The following CTNND2 variants were observed in gnomAD, a reference collection of about 807,000 sequenced individuals.
CTNND2 encodes catenin delta-2.
In CTNND2, 22 loss-of-function variants were observed where a neutral mutation model predicts 144.4. The observed-to-expected ratio is 0.15, with a 90% CI of 0.11 to 0.22. The LOEUF is 0.22. CTNND2 is among the 10% of genes least tolerant of loss of function. CTNND2 has a pLI of 1.00. For missense variants in CTNND2, 1,353 were observed against 1,618.8 expected (o/e 0.84, Z 2.82); for synonymous variants, 751 against 695.6 (o/e 1.08, Z -1.25).
intron 1 of CTNND2, among the ~76,000 whole-genome samples, chr5:11,829,034 G>T (rs534570059): frequency 4.4e-4 from 67 of 152,240 alleles, no homozygotes; most frequent in African/African-American, 1.6e-3. Flanking sequence ...TTTTGTCCCT[G>T]CCCTAGAGAT....
chr5:11,807,738 G>A (rs973811657), intron 1 of CTNND2, among the ~76,000 whole-genome samples: 2 of 152,102 alleles, frequency 1.3e-5, no homozygotes, highest in African/African-American at 2.4e-5. Context: ...TAAGACGCAC[G>A]GACAGAGGCA....
chr5:11,090,662 C>T (rs768103616), intron 15 of CTNND2, among the ~76,000 whole-genome samples: 7 of 152,126 alleles, frequency 4.6e-5, no homozygotes, highest in Admixed American at 2.0e-4. Context: ...ATTGGATCCA[C>T]GGAAAAATTG....
At chr5:11,256,612 A>G (rs745379145) in intron 9 of CTNND2, among the ~76,000 whole-genome samples, 14 of 152,338 alleles carry the variant, frequency 9.2e-5, no homozygotes, top group Non-Finnish European at 1.8e-4. Context: ...GAAAGAGTAT[A>G]TATGCAATAT....
chr5:11,182,048 G>GT (rs1735097617), intron 11 of CTNND2, among the ~76,000 whole-genome samples: 2 of 135,972 alleles, frequency 1.5e-5, no homozygotes, highest in African/African-American at 2.7e-5. Context: ...GTGTGTGTGG[G>GT]GTGTGTGTGG....
intron 2 of CTNND2, among the ~76,000 whole-genome samples, chr5:11,728,377 G>A (rs1234800534): frequency 6.6e-6 from 1 of 152,076 alleles, no homozygotes; most frequent in East Asian, 1.9e-4. Flanking sequence ...GCTGGGGCAG[G>A]AGAATCACTT....
At chr5:11,331,340 A>G (rs1435477686) in intron 9 of CTNND2, among the ~76,000 whole-genome samples, 1 of 152,156 alleles carries the variant, frequency 6.6e-6, no homozygotes, top group African/African-American at 2.4e-5. Context: ...CCTCAGTATG[A>G]GGGGAAATTA....
intron 3 of CTNND2, among the ~76,000 whole-genome samples, chr5:11,471,043 T>A (rs1020910324): frequency 6.8e-6 from 1 of 147,560 alleles, no homozygotes; most frequent in Non-Finnish European, 1.5e-5. Context: ...AGTGGCGCGA[T>A]CTCTGCTCAC....
intron 9 of CTNND2, among the ~76,000 whole-genome samples, chr5:11,311,013 C>CACACAATACACAAT (rs1290908548): frequency 3.9e-5 from 5 of 129,138 alleles, no homozygotes; most frequent in Non-Finnish European, 8.1e-5. Context: ...TCACCCCACA[C>CACACAATACACAAT]ACACAATACA....
At chr5:11,367,679 T>C (rs1460167728) in intron 7 of CTNND2, among the ~76,000 whole-genome samples, 1 of 152,218 alleles carries the variant, frequency 6.6e-6, no homozygotes, top group African/African-American at 2.4e-5. Context: ...TTGTCTAAAA[T>C]GTTATAGATG....
At chr5:11,359,272 CTT>C (rs1024844369) in intron 8 of CTNND2, among the ~76,000 whole-genome samples, 3 of 152,128 alleles carry the variant, frequency 2.0e-5, no homozygotes, top group African/African-American at 7.2e-5. Flanking sequence ...AATTGTATCT[CTT>C]TACATTTTCA....
intron 9 of CTNND2, among the ~76,000 whole-genome samples, chr5:11,263,860 A>G (rs1745168211): frequency 6.6e-6 from 1 of 152,180 alleles, no homozygotes. Flanking sequence ...GGAACTGCCA[A>G]TAACTAGACA....
chr5:11,541,286 C>G (rs746105992), intron 3 of CTNND2, among the ~76,000 whole-genome samples: 2 of 152,136 alleles, frequency 1.3e-5, no homozygotes, highest in African/African-American at 2.4e-5. Flanking sequence ...TTTCAGGAAC[C>G]ACTGGTGCAA....
At chr5:11,351,736 G>A (rs1017794739) in intron 8 of CTNND2, among the ~76,000 whole-genome samples, 4 of 152,098 alleles carry the variant, frequency 2.6e-5, no homozygotes, top group Admixed American at 6.5e-5. Context: ...AAGAAAAAAA[G>A]CACTACTTTT....
intron 16 of CTNND2, among the ~76,000 whole-genome samples, chr5:11,025,199 G>T (rs181291531): frequency 5.1e-4 from 77 of 152,308 alleles, no homozygotes; most frequent in African/African-American, 1.7e-3. Context: ...TCCAAGTAAA[G>T]AAACAAATCA....
At chr5:11,471,836 G>T (rs1231608379) in intron 3 of CTNND2, among the ~76,000 whole-genome samples, 2 of 152,146 alleles carry the variant, frequency 1.3e-5, no homozygotes, top group Non-Finnish European at 2.9e-5. Context: ...GTTTAATATG[G>T]CATTAATTCC....
At chr5:11,524,440 C>T (rs1773031679) in intron 3 of CTNND2, among the ~76,000 whole-genome samples, 1 of 152,140 alleles carries the variant, frequency 6.6e-6, no homozygotes, top group Non-Finnish European at 1.5e-5. Flanking sequence ...TTTTATTGTT[C>T]TTTTGTGTCT....
In CTNND2 at chr5:11,007,014, G is replaced by A. The variant is rs142288369; in HGVS notation, c.3084+10960C>T. ...AACCCAATAAAAGTAAGCACAAAGT[G>A]AAACAATCAAGAAAAAATTGCTAAA... On this transcript the variant is annotated intron_variant, in intron 18 of 21. Coordinates refer to ENST00000304623, the MANE Select transcript of CTNND2 (RefSeq NM_001332.4). 5.3e-5 allele frequency among the ~76,000 whole-genome samples: 8 copies of A among 152,246 alleles called. No individual in the cohort carries two copies. The East Asian group carries it at 1.5e-3, about 29-fold the overall frequency.
intron 4 of CTNND2, 56 bp downstream of exon 4, chr5:11,411,979 T>C: frequency 2.9e-6 from 4 of 1,376,796 alleles, no homozygotes; most frequent in Non-Finnish European, 4.1e-6. Context: ...ATAAGAAAAG[T>C]CATCAGTAGA....
chr5:10,993,932 G>GA (rs1561138797), intron 18 of CTNND2, among the ~76,000 whole-genome samples: 1 of 151,034 alleles, frequency 6.6e-6, no homozygotes, highest in Admixed American at 6.6e-5. Context: ...AATATTATCA[G>GA]AAAAAAAAGC....
Sources: allele counts gnomAD v4.1 joint callset (sites outside exome capture counted in the v4.1 genomes callset), GRCh38; gene constraint gnomAD v4.1.1; transcripts MANE v1.5; gene names NCBI Gene and HGNC (gene_info 2026-07-23, HGNC 2026-07-21).